The following KCNH8 variants were observed in gnomAD, a reference collection of about 807,000 sequenced individuals.
KCNH8 encodes the protein potassium voltage-gated channel subfamily H member 8, also known as voltage-gated delayed rectifier potassium channel KCNH8.
In KCNH8, 70 loss-of-function variants were observed where a neutral mutation model predicts 103.6. The ratio of observed to expected loss-of-function variants is 0.68; its 90% CI spans 0.56 to 0.82. The LOEUF is 0.82. Among genes scored for constraint, KCNH8 ranks in the 40% least tolerant of loss-of-function variants. The pLI is 0.00. For synonymous variants in KCNH8, 498 were observed against 489.4 expected (o/e 1.02, Z -0.23); for missense variants, 1,217 against 1,329.9 (o/e 0.92, Z 1.32).
chr3:19,282,676 T>C (rs2064773532), intron 3 of KCNH8, among the ~76,000 whole-genome samples: 2 of 152,166 alleles, frequency 1.3e-5, no homozygotes, highest in African/African-American at 4.8e-5. Flanking sequence ...TACAAATTCC[T>C]TAATTATCTT....
At chr3:19,419,195 G>GTTTTTTTTTTTTTTTTTTTTTTTT (rs1559318835) in intron 7 of KCNH8, among the ~76,000 whole-genome samples, 1 of 128,754 alleles carries the variant, frequency 7.8e-6, no homozygotes, top group African/African-American at 2.9e-5. Flanking sequence ...AATGGTTTTG[G>GTTTTTTTTTTTTTTTTTTTTTTTT]TTTTTTTTTT....
At chr3:19,361,959 C>G (rs191923023) in intron 5 of KCNH8, among the ~76,000 whole-genome samples, 212 of 152,124 alleles carry the variant, frequency 1.4e-3, no homozygotes, top group Non-Finnish European at 2.1e-3. Flanking sequence ...TAATTACTGA[C>G]GAAGCTAGAG....
In KCNH8 at chr3:19,534,025, C is replaced by A. The variant is rs771883999; in HGVS notation, c.3250C>A (p.Pro1084Thr). Reference protein sequence around the residue: ...QEGMASASTKPLENLPLEVVT... With the variant: ...QEGMASASTKTLENLPLEVVT... ...AGGAATGGCATCAGCTTCTACAAAA[C>A]CTTTGGAGAACCTTCCACTGGAAGT... is the stretch of plus-strand genomic sequence containing the variant. The change falls in exon 16 of 16, where the codon CCT becomes ACT. Residue 1084 changes from proline (P) to threonine (T), a missense_variant. Physicochemically the swap from Pro to Thr is conservative, Grantham distance 38 (BLOSUM62 -1). Coordinates refer to ENST00000328405, the MANE Select transcript of KCNH8 (RefSeq NM_144633.3). The A allele has an allele frequency of 5.6e-6, 9 of 1,614,142 alleles. No individual in the cohort carries two copies. In the South Asian group the frequency reaches 9.9e-5, roughly 18 times the overall value.
intron 3 of KCNH8, among the ~76,000 whole-genome samples, chr3:19,323,032 C>A (rs1314548941): frequency 6.6e-6 from 1 of 152,088 alleles, no homozygotes; most frequent in Admixed American, 6.6e-5. Context: ...CTTTCATTTC[C>A]AGAAATTGTG....
chr3:19,308,546 A>G (rs1042121297), intron 3 of KCNH8, among the ~76,000 whole-genome samples: 8 of 151,940 alleles, frequency 5.3e-5, no homozygotes, highest in African/African-American at 1.9e-4. Context: ...ATGTCACACT[A>G]AATTCAATTC....
chr3:19,456,515 CTTG>C (rs1292649773), intron 10 of KCNH8, among the ~76,000 whole-genome samples: 2 of 151,910 alleles, frequency 1.3e-5, no homozygotes, highest in East Asian at 1.9e-4. Context: ...TTGCTTGCTG[CTTG>C]TTGTTGTTAG....
intron 7 of KCNH8, among the ~76,000 whole-genome samples, chr3:19,407,158 T>C (rs1276557056): frequency 6.6e-6 from 1 of 152,144 alleles, no homozygotes; most frequent in African/African-American, 2.4e-5. Context: ...AGCCCAAACA[T>C]AGTATTTTTT....
chr3:19,534,099 A>T lies in KCNH8; in HGVS notation c.3324A>T (p.Ter1108CysextTer2), dbSNP rs376431595. 1 of 1,605,092 alleles carries T rather than the reference A, an allele frequency of 6.2e-7. No homozygotes were observed. Among genetic ancestry groups the T allele is most frequent in the Non-Finnish European group, 8.5e-7 (1 of 1,172,852 alleles). Residue 1108 changes from the stop codon to cysteine (C), a stop_lost, in exon 16 of 16, where the codon TGA becomes TGT. Transcript: ENST00000328405. ...EVKDNKAINV[*>C] The stretch of plus-strand genomic sequence containing the variant: ...AAGATAACAAAGCCATAAATGTATG[A>T]TATTAGTGCCCATGATGCAGCAGCT...
chr3:19,248,291 T>C (rs1026961762), intron 1 of KCNH8, among the ~76,000 whole-genome samples: 1 of 152,166 alleles, frequency 6.6e-6, no homozygotes, highest in Non-Finnish European at 1.5e-5. Flanking sequence ...ACCAGATTAT[T>C]TGAGTAGAAA....
intron 7 of KCNH8, among the ~76,000 whole-genome samples, chr3:19,398,509 T>C (rs1387487026): frequency 6.6e-6 from 1 of 151,922 alleles, no homozygotes; most frequent in African/African-American, 2.4e-5. Context: ...AAGAGGTAGG[T>C]AGGTAGATAC....
At chr3:19,300,841 ATATTAAATTT>A (rs1273717823) in intron 3 of KCNH8, among the ~76,000 whole-genome samples, 22 of 151,658 alleles carry the variant, frequency 1.5e-4, no homozygotes, top group Admixed American at 3.9e-4. Flanking sequence ...AATTTTTAAA[ATATTAAATTT>A]TTAACTCCTT....
chr3:19,161,211 A>G (rs890483591), intron 1 of KCNH8, among the ~76,000 whole-genome samples: 6 of 152,256 alleles, frequency 3.9e-5, no homozygotes, highest in South Asian at 2.1e-4. Context: ...GAACAGAAAC[A>G]TGTTCCAATT....
intron 1 of KCNH8, among the ~76,000 whole-genome samples, chr3:19,218,930 A>T (rs985131132): frequency 6.6e-6 from 1 of 152,194 alleles, no homozygotes; most frequent in South Asian, 2.1e-4. Context: ...ATTCCAGTAT[A>T]ACCTCATTTT....
intron 1 of KCNH8, among the ~76,000 whole-genome samples, chr3:19,241,824 T>A (rs897607869): frequency 3.9e-5 from 6 of 152,182 alleles, no homozygotes; most frequent in Middle Eastern, 3.4e-3. Context: ...ATTTTGTGTA[T>A]AAGGGGCTCA....
intron 7 of KCNH8, among the ~76,000 whole-genome samples, chr3:19,395,798 C>T (rs1274488469): frequency 6.6e-6 from 1 of 152,022 alleles, no homozygotes; most frequent in Non-Finnish European, 1.5e-5. Context: ...AACAAAATAA[C>T]ACATTCTCCA....
chr3:19,170,693 CACATATAT>C, intron 1 of KCNH8, among the ~76,000 whole-genome samples: 1 of 144,238 alleles, frequency 6.9e-6, no homozygotes, highest in East Asian at 2.0e-4. Flanking sequence ...CATATATACA[CACATATAT>C]ATACACATAT....
intron 3 of KCNH8, among the ~76,000 whole-genome samples, chr3:19,320,756 A>T (rs966820919): frequency 6.6e-6 from 1 of 151,860 alleles, no homozygotes; most frequent in African/African-American, 2.4e-5. Flanking sequence ...TACGATTGGT[A>T]CCAATTCTTC....
intron 1 of KCNH8, among the ~76,000 whole-genome samples, chr3:19,250,981 C>CT (rs535466293): frequency 3.5e-4 from 53 of 152,118 alleles, no homozygotes; most frequent in Non-Finnish European, 6.9e-4. Flanking sequence ...GCATTAAAAG[C>CT]TTTTTTTAGG....
rs143159842 is a variant in KCNH8 at position 19,250,410 on chromosome 3, CTT to C, written c.77-3243_77-3242del. ...TTTTTCTATTACACTTAAAATAAAA[CTT>C]GATATATGCCATGTGCAAGATAATA... On this transcript the variant is annotated intron_variant, in intron 1 of 15. Transcript: ENST00000328405. Among the ~76,000 whole-genome samples the C allele has an allele frequency of 3.6e-3, 544 of 152,178 alleles. 5 individuals carry two copies. Among genetic ancestry groups the C allele is most frequent in the African/African-American group, 0.012 (509 of 41,528 alleles).
Sources: gnomAD v4.1 joint callset for allele counts (sites outside exome capture counted in the v4.1 genomes callset) on GRCh38, gnomAD v4.1.1 for gene constraint, MANE v1.5 for transcripts, NCBI Gene and HGNC (gene_info 2026-07-23, HGNC 2026-07-21) for gene names.